NUMB: variants seen among roughly 807,000 people sequenced by gnomAD.
NUMB encodes protein numb homolog.
NUMB carries 29 observed loss-of-function variants against 59.7 expected under a neutral mutation model. That is an observed-to-expected ratio of 0.49 (90% CI 0.36 to 0.66). The LOEUF is 0.66. Among genes scored for constraint, NUMB ranks in the 30% least tolerant of loss-of-function variants. The pLI, the probability that NUMB is intolerant of heterozygous loss-of-function variation, is 0.00. For missense variants in NUMB, 723 were observed against 822.0 expected, an observed-to-expected ratio of 0.88 and a Z score of 1.47; for synonymous variants, 288 against 288.2, an observed-to-expected ratio of 1.00 and a Z score of 0.01.
At chr14:73,277,374 C>A in intron 12 of NUMB, 81 bp from the exon 13 acceptor site, 1 of 1,129,694 alleles carries the variant, frequency 8.9e-7, no homozygotes, top group Non-Finnish European at 1.2e-6. Context: ...TTTGAATGAT[C>A]CTAACATGTA....
At chr14:73,407,414 T>C (rs576221686) in intron 2 of NUMB, among the ~76,000 whole-genome samples, 29 of 152,268 alleles carry the variant, frequency 1.9e-4, no homozygotes, top group African/African-American at 6.7e-4. Flanking sequence ...CACTCCTCCC[T>C]GGGCAACAGA....
chr14:73,358,519 T>C (rs1893933188), intron 3 of NUMB, among the ~76,000 whole-genome samples: 1 of 151,836 alleles, frequency 6.6e-6, no homozygotes, highest in Admixed American at 6.6e-5. Flanking sequence ...TAGAAAGAAA[T>C]ATCGTTACCT....
intron 2 of NUMB, among the ~76,000 whole-genome samples, chr14:73,372,287 A>AATATATATATATTTCTTTTATATATATAT (rs1566766343): frequency 2.8e-5 from 3 of 107,566 alleles, no homozygotes; most frequent in South Asian, 2.7e-4. Flanking sequence ...ACAAAGTTGG[A>AATATATATATATTTCTTTTATATATATAT]ATATATATAT....
At chr14:73,323,385 C>G (rs1412093177) in intron 4 of NUMB, among the ~76,000 whole-genome samples, 181 bp from the exon 5 acceptor site, 5 of 152,114 alleles carry the variant, frequency 3.3e-5, no homozygotes, top group Non-Finnish European at 7.4e-5. Flanking sequence ...ATTGAAATTC[C>G]TACACTCAAG....
At chr14:73,342,281 G>A (rs1275349831) in intron 4 of NUMB, among the ~76,000 whole-genome samples, 1 of 152,184 alleles carries the variant, frequency 6.6e-6, no homozygotes, top group African/African-American at 2.4e-5. Flanking sequence ...CTATGAAGAC[G>A]ATGTATCTGC....
In NUMB at chr14:73,419,733, T is replaced by C. The variant is rs141249622; in HGVS notation, c.-232-9665A>G. On this transcript the variant is annotated intron_variant, in intron 1 of 12. Transcript: ENST00000555238. The stretch of plus-strand genomic sequence containing the variant: ...CAGAAAGTCCCACCCAATCCCATCC[T>C]GCCCCTTAACATCCTCAGACAATGG... Among the ~76,000 whole-genome samples, 5 of 152,230 alleles carry C rather than the reference T, an allele frequency of 3.3e-5. No homozygotes were observed. In the East Asian group the frequency reaches 9.7e-4, roughly 29 times the overall value.
At chr14:73,399,267 C>T (rs7148830) in intron 2 of NUMB, among the ~76,000 whole-genome samples, 49,450 of 152,104 alleles carry the variant, frequency 0.33, 9,346 homozygotes, top group African/African-American at 0.52. Flanking sequence ...CAGCTATGGA[C>T]TGAAAATATG....
intron 4 of NUMB, among the ~76,000 whole-genome samples, chr14:73,325,841 G>T (rs938807591): frequency 2.6e-5 from 4 of 152,182 alleles, no homozygotes; most frequent in Non-Finnish European, 5.9e-5. Flanking sequence ...TAGCAGCAGA[G>T]GTAGCAACAA....
At chr14:73,368,536 T>C (rs949647808) in intron 2 of NUMB, among the ~76,000 whole-genome samples, 1 of 151,214 alleles carries the variant, frequency 6.6e-6, no homozygotes, top group African/African-American at 2.4e-5. Flanking sequence ...TGAGCCGAGA[T>C]CGCGCCATTG....
rs536363123 is a variant in NUMB at position 73,451,401 on chromosome 14, C to A, written c.-233+7092G>T. Among the ~76,000 whole-genome samples the A allele has an allele frequency of 9.3e-5, 14 of 150,122 alleles. 1 individual carries two copies. In the South Asian group the frequency reaches 2.7e-3, roughly 29 times the overall value. On this transcript the variant is annotated intron_variant, in intron 1 of 12. Transcript: ENST00000555238. ...GCAGTGAGCCAAGATTGAGCCACTG[C>A]ACTCCAGCCTGGGCAACAGAGGAGA... is the stretch of plus-strand genomic sequence containing the variant.
chr14:73,352,446 AC>A (rs1893359335), intron 4 of NUMB, among the ~76,000 whole-genome samples: 1 of 50,918 alleles, frequency 2.0e-5, no homozygotes, highest in Non-Finnish European at 3.7e-5. Context: ...ACACACACAC[AC>A]ACACACACAC....
At position 73,277,023 on chromosome 14, in the gene NUMB, G is replaced by A; in HGVS notation, c.1511C>T (p.Ala504Val). The A allele has an allele frequency of 6.2e-7, 1 of 1,614,134 alleles. No individual in the cohort carries two copies. The highest frequency in any genetic ancestry group is 8.5e-7 in the Non-Finnish European group (1 of 1,180,032). ...AGGATAGGACTGGGCAGGGACAAAG[G>A]CTGGTTGCAGGGCTGGGACCACACC... Reference protein sequence around the residue: ...PVGVVPALQPAFVPAQSYPVA... With the variant: ...PVGVVPALQPVFVPAQSYPVA... The change falls in exon 13 of 13, where the codon GCC becomes GTC. Residue 504 changes from alanine (A) to valine (V), a missense_variant. Physicochemically the swap from Ala to Val is moderately conservative, Grantham distance 64 (BLOSUM62 0). Coordinates refer to ENST00000555238, the MANE Select transcript of NUMB (RefSeq NM_001005743.2).
intron 1 of NUMB, among the ~76,000 whole-genome samples, chr14:73,456,385 T>G (rs1884375817): frequency 6.6e-6 from 1 of 152,048 alleles, no homozygotes; most frequent in Non-Finnish European, 1.5e-5. Context: ...GCTGGGATTA[T>G]AGGCGTGAGC....
At chr14:73,319,187 C>T (rs746240764) in intron 5 of NUMB, among the ~76,000 whole-genome samples, 14 of 152,072 alleles carry the variant, frequency 9.2e-5, no homozygotes, top group African/African-American at 7.2e-5. Flanking sequence ...CGCGTGAACC[C>T]GGGAGGCGGA....
chr14:73,422,908 C>CAAAA (rs143271018), intron 1 of NUMB, among the ~76,000 whole-genome samples: 6 of 123,094 alleles, frequency 4.9e-5, no homozygotes, highest in Non-Finnish European at 3.6e-5. Context: ...GATCCTGTCT[C>CAAAA]AAAAAAAAAA....
chr14:73,291,983 C>T (rs532136165), intron 8 of NUMB, among the ~76,000 whole-genome samples: 49 of 152,178 alleles, frequency 3.2e-4, no homozygotes, highest in Non-Finnish European at 5.0e-4. Flanking sequence ...CGTGCCTGGC[C>T]GGTATTTCTG....
intron 4 of NUMB, among the ~76,000 whole-genome samples, chr14:73,354,205 TTTACACTTATAAGAATAC>T (rs1893640118): frequency 6.6e-6 from 1 of 152,006 alleles, no homozygotes; most frequent in Non-Finnish European, 1.5e-5. Context: ...CATAAGAATA[TTTACACTTATAAGAATAC>T]ATAGGCCGAG....
intron 5 of NUMB, among the ~76,000 whole-genome samples, chr14:73,320,251 T>A (rs1891331529): frequency 1.3e-5 from 2 of 152,202 alleles, no homozygotes; most frequent in East Asian, 3.8e-4. Context: ...CAAAACTACA[T>A]ATAACATTTG....
intron 4 of NUMB, among the ~76,000 whole-genome samples, chr14:73,336,598 G>A (rs182040616): frequency 6.6e-6 from 1 of 152,232 alleles, no homozygotes; most frequent in East Asian, 1.9e-4. Context: ...AACACCCCAG[G>A]CTTTCATCTG....
Sources: gnomAD v4.1 joint callset for allele counts (sites outside exome capture counted in the v4.1 genomes callset) on GRCh38, gnomAD v4.1.1 for gene constraint, MANE v1.5 for transcripts, NCBI Gene and HGNC (gene_info 2026-07-23, HGNC 2026-07-21) for gene names.